Variants in LIPC observed in about 807,000 individuals in gnomAD.
The protein encoded by LIPC is lipase C, hepatic type.
A neutral mutation model predicts 50.7 loss-of-function variants in LIPC; 44 were observed. The observed-to-expected ratio is 0.87, with a 90% CI of 0.68 to 1.11. The LOEUF (loss-of-function observed/expected upper bound fraction) is 1.11, where lower values mean the gene tolerates loss of function less well. LIPC is among the 50% of genes most tolerant of loss of function. The probability of loss-of-function intolerance (pLI) is 0.00; values close to 1 mark genes in which losing one functional copy is unlikely to be tolerated. For missense variants in LIPC, 697 were observed against 648.2 expected (o/e 1.08, Z -0.82); for synonymous variants, 271 against 256.4 (o/e 1.06, Z -0.54).
At chr15:58,563,242 T>C (rs1207231091) in intron 7 of LIPC, among the ~76,000 whole-genome samples, 3 of 152,144 alleles carry the variant, frequency 2.0e-5, no homozygotes, top group Non-Finnish European at 4.4e-5. Flanking sequence ...TAACTAGATT[T>C]GTTATAGTGG....
Position 58,547,815 on chromosome 15 carries a change from G to A in LIPC, c.809-515G>A, listed in dbSNP as rs550451490. 2.3e-4 allele frequency among the ~76,000 whole-genome samples: 35 copies of A among 152,052 alleles called. No homozygotes were observed. The South Asian group carries it at 6.9e-3, about 30-fold the overall frequency. On this transcript the variant is annotated intron_variant, in intron 5 of 8. Transcript: ENST00000299022. ...TTTGGGACACAAGGTAGACATTGTC[G>A]AGAGGCCTCAGCGTTCTCCAGACCA...
intron 1 of LIPC, among the ~76,000 whole-genome samples, chr15:58,501,208 C>G (rs1309145145): frequency 6.6e-6 from 1 of 152,132 alleles, no homozygotes; most frequent in Non-Finnish European, 1.5e-5. Context: ...CCTCCCAGAA[C>G]ATTGCAGTGA....
At position 58,564,813 on chromosome 15, in the gene LIPC, G is replaced by A. The variant is rs143278180; in HGVS notation, c.1388+1090G>A. 1.6e-3 allele frequency among the ~76,000 whole-genome samples: 243 copies of A among 152,248 alleles called. 2 individuals are homozygous for A. Among genetic ancestry groups the A allele is most frequent in the African/African-American group, 5.5e-3 (230 of 41,566 alleles). ...TCCCAGCAAAAGAAAGGGCTGCCCA[G>A]CACACCCTGCCATAGCAACCGTGCT... is the stretch of plus-strand genomic sequence containing the variant. On this transcript the variant is annotated intron_variant, in intron 8 of 8. Coordinates refer to ENST00000299022, the MANE Select transcript of LIPC (RefSeq NM_000236.3).
intron 1 of LIPC, among the ~76,000 whole-genome samples, chr15:58,521,138 T>G (rs1398578572): frequency 6.6e-6 from 1 of 152,066 alleles, no homozygotes; most frequent in Non-Finnish European, 1.5e-5. Flanking sequence ...ACTGTGGGTG[T>G]GAGAAGTAAA....
chr15:58,477,519 A>G (rs1423149920), intron 1 of LIPC, among the ~76,000 whole-genome samples: 1 of 152,188 alleles, frequency 6.6e-6, no homozygotes, highest in African/African-American at 2.4e-5. Flanking sequence ...TGGAGGGAAA[A>G]TATTTGTCAT....
At chr15:58,508,020 A>T in intron 1 of LIPC, among the ~76,000 whole-genome samples, 1 of 152,232 alleles carries the variant, frequency 6.6e-6, no homozygotes, top group Admixed American at 6.5e-5. Flanking sequence ...CCAAAACAGA[A>T]GACGATGGTT....
chr15:58,504,081 T>C (rs1196496577), intron 1 of LIPC, among the ~76,000 whole-genome samples: 1 of 152,060 alleles, frequency 6.6e-6, no homozygotes, highest in African/African-American at 2.4e-5. Flanking sequence ...ACCACAGAAA[T>C]CCATACACCA....
chr15:58,516,113 A>C (rs1892478933), intron 1 of LIPC, among the ~76,000 whole-genome samples: 1 of 151,996 alleles, frequency 6.6e-6, no homozygotes, highest in Non-Finnish European at 1.5e-5. Context: ...TTTTCTGCGC[A>C]TCTTTGCTTG....
chr15:58,566,367 A>T (rs1377855364), intron 8 of LIPC: 1 of 985,310 alleles, frequency 1.0e-6, no homozygotes, highest in East Asian at 1.1e-4. Context: ...TCACATTTTA[A>T]CTTCACTGCT....
At position 58,445,674 on chromosome 15, in the gene LIPC, A is replaced by C; in HGVS notation, c.88+13554A>C. 1.3e-5 allele frequency among the ~76,000 whole-genome samples: 2 copies of C among 152,128 alleles called. 1 individual carries two copies. ...AGAGACCCAGATTTGGAGTTGAAAGACCTGGGCCTGAGTCCCAGCTCCATC... is the reference window on the plus strand; with the variant it reads ...AGAGACCCAGATTTGGAGTTGAAAGCCCTGGGCCTGAGTCCCAGCTCCATC... On this transcript the variant is annotated intron_variant, in intron 1 of 8. Coordinates refer to ENST00000299022, the MANE Select transcript of LIPC (RefSeq NM_000236.3).
chr15:58,478,467 G>A (rs1891074364), intron 1 of LIPC, among the ~76,000 whole-genome samples: 1 of 152,108 alleles, frequency 6.6e-6, no homozygotes, highest in South Asian at 2.1e-4. Context: ...TCGAGCTCCT[G>A]ACCTCAAGTG....
At chr15:58,568,486 C>G (rs1392024575) in intron 8 of LIPC, among the ~76,000 whole-genome samples, 1 of 152,222 alleles carries the variant, frequency 6.6e-6, no homozygotes, top group Non-Finnish European at 1.5e-5. Flanking sequence ...TCTTACAGAA[C>G]TGAAATCACC....
intron 1 of LIPC, among the ~76,000 whole-genome samples, chr15:58,445,063 C>T (rs139405429): frequency 6.1e-4 from 93 of 152,354 alleles, no homozygotes; most frequent in African/African-American, 2.2e-3. Context: ...CTGAGACACA[C>T]AGGAGCCGGC....
At chr15:58,451,697 G>A (rs1033060411) in intron 1 of LIPC, among the ~76,000 whole-genome samples, 2 of 152,174 alleles carry the variant, frequency 1.3e-5, no homozygotes, top group Admixed American at 6.5e-5. Flanking sequence ...TGGGAGGTTC[G>A]CTCCTTTGGA....
At chr15:58,516,691 C>T (rs1185057239) in intron 1 of LIPC, among the ~76,000 whole-genome samples, 1 of 152,072 alleles carries the variant, frequency 6.6e-6, no homozygotes, top group Non-Finnish European at 1.5e-5. Flanking sequence ...CTTATATCTC[C>T]CATATTTCTT....
chr15:58,488,992 G>A (rs1350972164), intron 1 of LIPC, among the ~76,000 whole-genome samples: 20 of 152,138 alleles, frequency 1.3e-4, no homozygotes, highest in African/African-American at 4.6e-4. Flanking sequence ...AGCTGTCTGT[G>A]AGCCAAATGA....
intron 1 of LIPC, among the ~76,000 whole-genome samples, chr15:58,459,338 A>T (rs1475322164): frequency 4.6e-5 from 7 of 151,726 alleles, no homozygotes; most frequent in Non-Finnish European, 4.4e-5. Flanking sequence ...TGCTGGTGAC[A>T]TTGTAGTTCT....
intron 1 of LIPC, 56 bp downstream of exon 1, chr15:58,432,176 T>A (rs1893146150): frequency 4.7e-6 from 6 of 1,280,622 alleles, no homozygotes; most frequent in Non-Finnish European, 6.9e-6. Context: ...TTAAAACGTG[T>A]GTCACAAAGA....
intron 1 of LIPC, chr15:58,436,384 G>T (rs750722257): frequency 1.9e-5 from 4 of 214,016 alleles, no homozygotes; most frequent in Non-Finnish European, 3.8e-5. Context: ...CAACAAAACA[G>T]ATTGTGAACA....
Sources: gnomAD v4.1 joint callset for allele counts (sites outside exome capture counted in the v4.1 genomes callset) on GRCh38, gnomAD v4.1.1 for gene constraint, MANE v1.5 for transcripts, NCBI Gene and HGNC (gene_info 2026-07-23, HGNC 2026-07-21) for gene names.